Variants in ERAP1 observed in about 807,000 individuals in gnomAD.
The protein encoded by ERAP1 is endoplasmic reticulum aminopeptidase 1.
Under a neutral mutation model 103.7 loss-of-function variants are expected in ERAP1, and 86 were observed. The observed-to-expected ratio is 0.83, with a 90% CI of 0.70 to 0.99. The LOEUF (loss-of-function observed/expected upper bound fraction) is 0.99. Among genes scored for constraint, ERAP1 ranks in the 50% least tolerant of loss-of-function variants. The pLI is 0.00. For synonymous variants in ERAP1, 398 were observed against 402.4 expected, an observed-to-expected ratio of 0.99 and a Z score of 0.13; for missense variants, 1,009 against 1,128.4, an observed-to-expected ratio of 0.89 and a Z score of 1.52.
At chr5:96,784,147 A>G in intron 13 of ERAP1, 67 bp from the exon 14 acceptor site, 1 of 1,497,774 alleles carries the variant, frequency 6.7e-7, no homozygotes, top group Non-Finnish European at 9.3e-7. Context: ...TTGCTTCAAA[A>G]TATATTTTAA....
intron 13 of ERAP1, among the ~76,000 whole-genome samples, 155 bp from the exon 14 acceptor site, chr5:96,784,235 C>A (rs1346492043): frequency 6.6e-6 from 1 of 152,204 alleles, no homozygotes; most frequent in Non-Finnish European, 1.5e-5. Context: ...TGGCTCATGC[C>A]TGTAATCCCA....
At chr5:96,891,547 C>T in the ERAP1 span, among the ~76,000 whole-genome samples, 2 of 138,498 alleles carry the variant, frequency 1.4e-5, no homozygotes, top group African/African-American at 2.8e-5. Flanking sequence ...CACACACACA[C>T]ACACACACAC....
At chr5:96,788,797 T>A (rs1456469368) in intron 10 of ERAP1, 112 bp from the exon 11 acceptor site, 2 of 1,293,652 alleles carry the variant, frequency 1.5e-6, no homozygotes, top group Non-Finnish European at 2.2e-6. Context: ...CCTCCCCTCT[T>A]AGGAGCACTT....
the ERAP1 span, chr5:96,909,619 CA>C: frequency 6.2e-7 from 1 of 1,614,036 alleles, no homozygotes; most frequent in Admixed American, 1.7e-5. Flanking sequence ...GATTGACAGG[CA>C]AAGCTGGAGT....
the ERAP1 span, among the ~76,000 whole-genome samples, chr5:96,875,208 A>AT: frequency 6.6e-6 from 1 of 152,010 alleles, no homozygotes; most frequent in Non-Finnish European, 1.5e-5. Context: ...AAGCGGTGGG[A>AT]TTTTTTCTTA....
At chr5:96,799,298 C>T (rs994226834) in intron 3 of ERAP1, among the ~76,000 whole-genome samples, 2 of 152,128 alleles carry the variant, frequency 1.3e-5, no homozygotes, top group Non-Finnish European at 2.9e-5. Flanking sequence ...TTGTGTTTTT[C>T]TGGTCTCCAA....
intron 19 of ERAP1, among the ~76,000 whole-genome samples, chr5:96,768,177 G>A (rs1374905041): frequency 1.3e-5 from 2 of 152,148 alleles, no homozygotes; most frequent in African/African-American, 4.8e-5. Flanking sequence ...TCTGCTTCCT[G>A]GGCTCAAGCA....
At chr5:96,928,208 C>A in the ERAP1 span, among the ~76,000 whole-genome samples, 1 of 152,190 alleles carries the variant, frequency 6.6e-6, no homozygotes, top group African/African-American at 2.4e-5. Context: ...TTTCTTGATA[C>A]TATCCTTTGA....
the ERAP1 span, chr5:96,873,739 C>T: frequency 3.1e-6 from 1 of 320,854 alleles, no homozygotes; most frequent in South Asian, 2.6e-5. Flanking sequence ...ACTCAACTAA[C>T]ATTTGTTGAG....
At chr5:96,908,846 C>A in the ERAP1 span, 1 of 1,089,200 alleles carries the variant, frequency 9.2e-7, no homozygotes, top group Non-Finnish European at 1.3e-6. Flanking sequence ...ACTGAATGGC[C>A]CAGCTATAAT....
At chr5:96,904,777 C>G in the ERAP1 span, among the ~76,000 whole-genome samples, 1 of 152,124 alleles carries the variant, frequency 6.6e-6, no homozygotes, top group East Asian at 1.9e-4. Flanking sequence ...ATCTTTTTTG[C>G]TGTTTCTAGC....
the ERAP1 span, among the ~76,000 whole-genome samples, chr5:96,922,754 T>C: frequency 6.6e-6 from 1 of 152,218 alleles, no homozygotes; most frequent in African/African-American, 2.4e-5. Context: ...GAATAAGTTG[T>C]TAGTGAAAGA....
the ERAP1 span, among the ~76,000 whole-genome samples, chr5:96,826,019 G>T: frequency 1.3e-5 from 2 of 152,188 alleles, no homozygotes; most frequent in African/African-American, 4.8e-5. Context: ...TTAGTTATTT[G>T]ATTCGTTGCT....
the ERAP1 span, among the ~76,000 whole-genome samples, chr5:96,859,677 C>G: frequency 1.3e-5 from 2 of 152,164 alleles, no homozygotes; most frequent in Non-Finnish European, 2.9e-5. Context: ...ATTTTCTCAT[C>G]TGTAATATCT....
chr5:96,770,465 G>T (rs1771868306), downstream of ERAP1: 1 of 950,502 alleles, frequency 1.1e-6, no homozygotes, highest in South Asian at 1.3e-5. Context: ...TAATTTAACT[G>T]CAGCCTAGTT....
the ERAP1 span, chr5:96,909,716 A>T: frequency 6.2e-7 from 1 of 1,614,168 alleles, no homozygotes; most frequent in South Asian, 1.1e-5. Flanking sequence ...TGCATCCAGA[A>T]AGCTGCTGAA....
chr5:96,805,964 G>T (rs1778549917), intron 1 of ERAP1: 1 of 152,364 alleles, frequency 6.6e-6, no homozygotes, highest in East Asian at 1.9e-4. Flanking sequence ...TTGGATCAGA[G>T]GCTTTGCAGG....
chr5:96,835,029 T>C, the ERAP1 span, among the ~76,000 whole-genome samples: 170 of 152,360 alleles, frequency 1.1e-3, no homozygotes, highest in Admixed American at 1.6e-3. Flanking sequence ...TTAGTATTTG[T>C]TGTGTGCTGT....
At chr5:96,800,116 G>T (rs1260189035) in intron 3 of ERAP1, among the ~76,000 whole-genome samples, 1 of 152,196 alleles carries the variant, frequency 6.6e-6, no homozygotes, top group African/African-American at 2.4e-5. Flanking sequence ...CTGAACAAAG[G>T]ATGTGCTTCC....
Sources: allele counts gnomAD v4.1 joint callset (sites outside exome capture counted in the v4.1 genomes callset), GRCh38; gene constraint gnomAD v4.1.1; transcripts MANE v1.5; gene names NCBI Gene and HGNC (gene_info 2026-07-23, HGNC 2026-07-21).